GAREM1: variants seen among roughly 807,000 people sequenced by gnomAD.
The protein encoded by GAREM1 is GRB2 associated regulator of MAPK1 subtype 1.
In GAREM1, 26 loss-of-function variants were observed where a neutral mutation model predicts 71.3. The ratio of observed to expected loss-of-function variants is 0.36; its 90% CI spans 0.27 to 0.51. GAREM1 has a LOEUF of 0.51. GAREM1 is among the 20% of genes least tolerant of loss of function. The pLI is 0.95. For synonymous variants in GAREM1, 440 were observed against 433.2 expected, an observed-to-expected ratio of 1.02 and a Z score of -0.20; for missense variants, 1,026 against 1,103.1, an observed-to-expected ratio of 0.93 and a Z score of 0.99.
intron 1 of GAREM1, among the ~76,000 whole-genome samples, chr18:32,431,705 A>G (rs981570768): frequency 1.3e-5 from 2 of 152,208 alleles, no homozygotes; most frequent in African/African-American, 4.8e-5. Context: ...TACAGACTCA[A>G]AAATGTCAGC....
At chr18:32,317,439 G>A (rs979292086) in intron 2 of GAREM1, among the ~76,000 whole-genome samples, 1 of 149,818 alleles carries the variant, frequency 6.7e-6, no homozygotes, top group Middle Eastern at 3.5e-3. Context: ...AAAGTGACTC[G>A]TCCTTTTATT....
intron 1 of GAREM1, among the ~76,000 whole-genome samples, chr18:32,407,992 A>C (rs1415820140): frequency 6.6e-6 from 1 of 152,028 alleles, no homozygotes; most frequent in Non-Finnish European, 1.5e-5. Flanking sequence ...TTAAAAAAAA[A>C]CTAACTCTAC....
intron 2 of GAREM1, among the ~76,000 whole-genome samples, chr18:32,349,918 A>G (rs541252608): frequency 2.0e-4 from 31 of 152,340 alleles, no homozygotes; most frequent in African/African-American, 7.2e-4. Context: ...AATGTGGAAC[A>G]CAGCATGAGA....
intron 4 of GAREM1, among the ~76,000 whole-genome samples, chr18:32,281,281 T>C (rs1459246382): frequency 6.7e-6 from 1 of 150,290 alleles, no homozygotes; most frequent in African/African-American, 2.5e-5. Context: ...CAGATTCAGA[T>C]GGCCCAACTG....
At chr18:32,304,560 A>T (rs1434421900) in intron 3 of GAREM1, among the ~76,000 whole-genome samples, 1 of 152,230 alleles carries the variant, frequency 6.6e-6, no homozygotes, top group Non-Finnish European at 1.5e-5. Context: ...ATAATACATA[A>T]ACACATAGAC....
intron 1 of GAREM1, among the ~76,000 whole-genome samples, chr18:32,421,762 A>G (rs964607053): frequency 1.3e-5 from 2 of 152,106 alleles, no homozygotes; most frequent in African/African-American, 4.8e-5. Flanking sequence ...TCATATTTGC[A>G]AGAGATCTGT....
At chr18:32,286,934 A>C in intron 4 of GAREM1, 97 bp downstream of exon 4, 1 of 877,112 alleles carries the variant, frequency 1.1e-6, no homozygotes, top group East Asian at 2.4e-5. Context: ...CTCACTCTGC[A>C]ATCTTCAGTT....
chr18:32,271,171 GCTA>G (rs2041457109), intron 4 of GAREM1, among the ~76,000 whole-genome samples: 1 of 151,826 alleles, frequency 6.6e-6, no homozygotes, highest in African/African-American at 2.4e-5. Context: ...CCTGGCCAGG[GCTA>G]CTTTTTAATT....
At chr18:32,392,429 G>A (rs1199728171) in intron 2 of GAREM1, among the ~76,000 whole-genome samples, 1 of 152,116 alleles carries the variant, frequency 6.6e-6, no homozygotes, top group Non-Finnish European at 1.5e-5. Flanking sequence ...TAATCTAAAT[G>A]CCTATTGAAA....
At chr18:32,282,408 G>A (rs1024977537) in intron 4 of GAREM1, among the ~76,000 whole-genome samples, 5 of 152,154 alleles carry the variant, frequency 3.3e-5, no homozygotes, top group Non-Finnish European at 5.9e-5. Context: ...CCTGGTGACA[G>A]AGTTAGACTC....
intron 2 of GAREM1, among the ~76,000 whole-genome samples, chr18:32,335,117 A>G (rs2047576931): frequency 6.6e-6 from 1 of 152,226 alleles, no homozygotes; most frequent in African/African-American, 2.4e-5. Context: ...CTGATTTCCA[A>G]TAAAAGAACT....
In GAREM1 at chr18:32,398,232, C is replaced by T. The variant is rs188795521; in HGVS notation, c.122-5197G>A. 7.7e-4 allele frequency among the ~76,000 whole-genome samples: 117 copies of T among 152,166 alleles called. 1 individual carries two copies. The East Asian group carries it at 0.018, about 24-fold the overall frequency. On this transcript the variant is annotated intron_variant, in intron 1 of 5. Transcript: ENST00000269209. ...AAGCAGGAAAGATCCAAAATTAACA[C>T]CCTAACATCACAACTAAAAGAACTA...
intron 1 of GAREM1, among the ~76,000 whole-genome samples, chr18:32,465,774 C>T (rs954453742): frequency 1.2e-4 from 18 of 152,324 alleles, no homozygotes; most frequent in Admixed American, 1.1e-3. Flanking sequence ...AATTTCCAAA[C>T]GTACTCTTGT....
chr18:32,388,570 A>C (rs1270990289), intron 2 of GAREM1, among the ~76,000 whole-genome samples: 2 of 152,192 alleles, frequency 1.3e-5, no homozygotes, highest in East Asian at 3.8e-4. Flanking sequence ...AATCACCAAT[A>C]AGGGGCAAAG....
chr18:32,402,650 T>C (rs925924130), intron 1 of GAREM1, among the ~76,000 whole-genome samples: 1 of 152,138 alleles, frequency 6.6e-6, no homozygotes, highest in Non-Finnish European at 1.5e-5. Flanking sequence ...TACAATCTTA[T>C]ATATTTCTCA....
At chr18:32,463,325 GA>G (rs34874987) in intron 1 of GAREM1, among the ~76,000 whole-genome samples, 2 of 149,042 alleles carry the variant, frequency 1.3e-5, no homozygotes, top group Middle Eastern at 3.5e-3. Context: ...CTGTTCTCTG[GA>G]AAAAAAAATA....
chr18:32,398,050 G>C (rs1205157804), intron 1 of GAREM1, among the ~76,000 whole-genome samples: 1 of 152,132 alleles, frequency 6.6e-6, no homozygotes, highest in African/African-American at 2.4e-5. Flanking sequence ...TGAACAACCT[G>C]CTCCTGAATG....
At chr18:32,359,705 C>A (rs769523689) in intron 2 of GAREM1, among the ~76,000 whole-genome samples, 3 of 151,864 alleles carry the variant, frequency 2.0e-5, no homozygotes, top group Non-Finnish European at 4.4e-5. Context: ...GGGGCTGAGG[C>A]GAGAGGAACA....
intron 1 of GAREM1, among the ~76,000 whole-genome samples, chr18:32,469,870 A>G (rs1470705714): frequency 6.6e-6 from 1 of 152,086 alleles, no homozygotes; most frequent in Non-Finnish European, 1.5e-5. Flanking sequence ...TTTCCTTTAA[A>G]TCTGTTTGGC....
Sources: allele counts gnomAD v4.1 joint callset (sites outside exome capture counted in the v4.1 genomes callset), GRCh38; gene constraint gnomAD v4.1.1; transcripts MANE v1.5; gene names NCBI Gene and HGNC (gene_info 2026-07-23, HGNC 2026-07-21).